SEMA5B: variants seen among roughly 807,000 people sequenced by gnomAD.
SEMA5B encodes semaphorin-5B.
Under a neutral mutation model 135.0 loss-of-function variants are expected in SEMA5B, and 66 were observed. That is an observed-to-expected ratio of 0.49 (90% CI 0.40 to 0.60). The LOEUF (loss-of-function observed/expected upper bound fraction) is 0.60. Ranked by LOEUF, SEMA5B falls within the 20% of genes least tolerant of loss-of-function variation. The pLI is 0.00. For missense variants in SEMA5B, 1,501 were observed against 1,566.3 expected (o/e 0.96, Z 0.70); for synonymous variants, 690 against 639.5 (o/e 1.08, Z -1.19).
chr3:122,978,260 C>T (rs1313779708), intron 1 of SEMA5B, among the ~76,000 whole-genome samples: 4 of 152,240 alleles, frequency 2.6e-5, no homozygotes, highest in African/African-American at 9.6e-5. Flanking sequence ...ACGTGCTCGG[C>T]CTCTCATGAG....
In SEMA5B at chr3:122,995,104, G is replaced by A. The variant is rs965582435; in HGVS notation, c.-39+32360C>T. Among the ~76,000 whole-genome samples, 49 of 152,184 alleles carry A rather than the reference G, an allele frequency of 3.2e-4. 1 individual carries two copies. Among genetic ancestry groups the A allele is most frequent in the Admixed American group, 2.9e-3 (44 of 15,284 alleles). On this transcript the variant is annotated intron_variant, in intron 1 of 22. Coordinates refer to ENST00000357599, the MANE Select transcript of SEMA5B (RefSeq NM_001031702.4). ...GTGAGTCCAGCCAAAGAGGCAGAAC[G>A]TAACCCAGGGCAAGCCAAGCTGGAA...
chr3:123,013,535 G>A (rs1428215970), intron 1 of SEMA5B, among the ~76,000 whole-genome samples: 1 of 152,170 alleles, frequency 6.6e-6, no homozygotes, highest in Non-Finnish European at 1.5e-5. Context: ...GCCTTGGAGA[G>A]GAGAAATAAT....
chr3:122,942,865 C>G (rs914308606), intron 4 of SEMA5B, among the ~76,000 whole-genome samples: 2 of 152,212 alleles, frequency 1.3e-5, no homozygotes, highest in African/African-American at 2.4e-5. Context: ...CCTACCAGAG[C>G]CAATGTTCTG....
At chr3:123,016,499 A>G (rs1942560660) in intron 1 of SEMA5B, among the ~76,000 whole-genome samples, 1 of 152,370 alleles carries the variant, frequency 6.6e-6, no homozygotes, top group East Asian at 1.9e-4. Flanking sequence ...TAGTTGTTAT[A>G]CTGTGTTGTT....
At chr3:122,932,363 T>C (rs1165249038) in intron 5 of SEMA5B, among the ~76,000 whole-genome samples, 1 of 143,862 alleles carries the variant, frequency 7.0e-6, no homozygotes, top group Non-Finnish European at 1.5e-5. Context: ...TAGTCCAAAC[T>C]GCACCATTTT....
At chr3:123,011,144 C>T (rs758781041) in intron 1 of SEMA5B, among the ~76,000 whole-genome samples, 8 of 152,298 alleles carry the variant, frequency 5.3e-5, no homozygotes, top group East Asian at 3.9e-4. Flanking sequence ...TGCCATCTCA[C>T]GACCCTCACT....
At chr3:123,016,993 G>C (rs1043683879) in intron 1 of SEMA5B, among the ~76,000 whole-genome samples, 1 of 148,146 alleles carries the variant, frequency 6.8e-6, no homozygotes, top group African/African-American at 2.5e-5. Flanking sequence ...CCAGGTTCAC[G>C]CCATTCTCCT....
chr3:123,018,500 G>T (rs1025263484), intron 1 of SEMA5B, among the ~76,000 whole-genome samples: 17 of 152,166 alleles, frequency 1.1e-4, no homozygotes, highest in African/African-American at 4.1e-4. Context: ...ACTTGAGTTG[G>T]GCAGGGTCCC....
chr3:122,958,321 C>T (rs931975239), intron 2 of SEMA5B: 1 of 152,620 alleles, frequency 6.6e-6, no homozygotes, highest in Non-Finnish European at 1.5e-5. Flanking sequence ...GGCTTCCTGC[C>T]TGGGAAAGGG....
At chr3:122,934,455 A>G (rs1939147891) in intron 5 of SEMA5B, among the ~76,000 whole-genome samples, 1 of 152,212 alleles carries the variant, frequency 6.6e-6, no homozygotes, top group African/African-American at 2.4e-5. Context: ...ATGTTCAGTC[A>G]TGCCACCTGC....
intron 1 of SEMA5B, among the ~76,000 whole-genome samples, chr3:123,001,595 A>AGAAT: frequency 6.6e-6 from 1 of 152,332 alleles, no homozygotes. Flanking sequence ...AATGTACTGA[A>AGAAT]GAATGCATTT....
In SEMA5B at chr3:123,013,927, C is replaced by T. The variant is rs559980497; in HGVS notation, c.-39+13537G>A. 1.2e-4 allele frequency among the ~76,000 whole-genome samples: 18 copies of T among 152,316 alleles called. No homozygotes were observed. The South Asian group carries it at 3.3e-3, about 28-fold the overall frequency. On this transcript the variant is annotated intron_variant, in intron 1 of 22. Transcript: ENST00000357599. ...CATCCTACAGCTGTCTCCAGCTTGG[C>T]TTCTGTCTTCCCCATTCCACAGGAA...
chr3:122,993,871 G>T (rs1268273417), intron 1 of SEMA5B, among the ~76,000 whole-genome samples: 1 of 151,758 alleles, frequency 6.6e-6, no homozygotes, highest in African/African-American at 2.4e-5. Context: ...AGCATTTCAC[G>T]AAATAGTCAG....
rs1369013549 is a variant in SEMA5B, at chr3:122,922,133, G to T, written c.1481-11C>A. On this transcript the variant is annotated splice_polypyrimidine_tract_variant and intron_variant, in intron 11 of 22. Coordinates refer to ENST00000357599, the MANE Select transcript of SEMA5B (RefSeq NM_001031702.4). ...GGATGGTGCCCGACTCTGGAGGAGA[G>T]GGGGAGCCAGACCAAGGTGGCCTTG... The T allele has an allele frequency of 2.0e-6, 3 of 1,525,608 alleles. No individual in the cohort carries two copies. The highest frequency in any genetic ancestry group is 2.4e-5 in the East Asian group (1 of 42,520). 94.5% of individuals were successfully genotyped at this position (1,525,608 alleles called of 1,614,324 possible).
chr3:122,939,349 C>T (rs1013404359), intron 5 of SEMA5B, 76 bp downstream of exon 5: 12 of 1,164,708 alleles, frequency 1.0e-5, no homozygotes, highest in South Asian at 4.9e-5. Context: ...TTCTGAATGG[C>T]GCCACTTGCG....
At chr3:122,946,654 G>A (rs979830062) in intron 3 of SEMA5B, among the ~76,000 whole-genome samples, 1 of 152,134 alleles carries the variant, frequency 6.6e-6, no homozygotes, top group Non-Finnish European at 1.5e-5. Flanking sequence ...GCTGGGCTGA[G>A]GGACCAAAGG....
intron 1 of SEMA5B, among the ~76,000 whole-genome samples, chr3:122,999,509 G>C (rs1235493094): frequency 6.6e-6 from 1 of 151,960 alleles, no homozygotes. Flanking sequence ...ACAGGAGTGA[G>C]CCACCATGCC....
At chr3:122,990,042 G>A (rs927020392) in intron 1 of SEMA5B, among the ~76,000 whole-genome samples, 1 of 152,306 alleles carries the variant, frequency 6.6e-6, no homozygotes, top group Admixed American at 6.5e-5. Context: ...CCAGAATCGA[G>A]CATCATTAGA....
intron 1 of SEMA5B, among the ~76,000 whole-genome samples, chr3:122,990,973 T>C (rs986465571): frequency 1.3e-4 from 20 of 152,182 alleles, no homozygotes; most frequent in Admixed American, 6.5e-5. Flanking sequence ...TGTGTACATA[T>C]ATGCACACGC....
Sources: gnomAD v4.1 joint callset for allele counts (sites outside exome capture counted in the v4.1 genomes callset) on GRCh38, gnomAD v4.1.1 for gene constraint, MANE v1.5 for transcripts, NCBI Gene and HGNC (gene_info 2026-07-23, HGNC 2026-07-21) for gene names.